The following THSD7B variants were observed in gnomAD, a reference collection of about 807,000 sequenced individuals.
The protein encoded by THSD7B is thrombospondin type 1 domain containing 7B, also known as thrombospondin type-1 domain-containing protein 7B.
THSD7B carries 138 observed loss-of-function variants against 213.6 expected under a neutral mutation model. The observed-to-expected ratio is 0.65, with a 90% confidence interval of 0.56 to 0.74. The LOEUF (loss-of-function observed/expected upper bound fraction) is 0.74, where lower values mean the gene tolerates loss of function less well. THSD7B is among the 30% of genes least tolerant of loss of function. THSD7B has a pLI of 0.00. For missense variants in THSD7B, 1,931 were observed against 1,991.5 expected (o/e 0.97, Z 0.58); for synonymous variants, 742 against 687.0 (o/e 1.08, Z -1.25).
chr2:137,168,558 T>C (rs766201779), intron 6 of THSD7B, among the ~76,000 whole-genome samples: 1 of 152,142 alleles, frequency 6.6e-6, no homozygotes, highest in Admixed American at 6.6e-5. Flanking sequence ...TGAGGAGAGG[T>C]AATCTATAGA....
At chr2:137,290,110 CTT>C (rs1244519702) in intron 12 of THSD7B, among the ~76,000 whole-genome samples, 31 of 130,754 alleles carry the variant, frequency 2.4e-4, no homozygotes, top group Admixed American at 3.1e-4. Context: ...AAAGAGTTTT[CTT>C]TTTTTTTTTT....
At chr2:137,189,159 C>A (rs561971162) in intron 7 of THSD7B, among the ~76,000 whole-genome samples, 1 of 152,178 alleles carries the variant, frequency 6.6e-6, no homozygotes, top group Non-Finnish European at 1.5e-5. Flanking sequence ...TCAGTTCCCA[C>A]TTCCCTGGCT....
At chr2:137,362,152 G>A (rs1402354466) in intron 12 of THSD7B, among the ~76,000 whole-genome samples, 12 of 152,128 alleles carry the variant, frequency 7.9e-5, no homozygotes, top group Admixed American at 7.9e-4. Context: ...AAGTGAAGGA[G>A]AAATAAAATC....
chr2:137,316,694 C>A (rs1056995535), intron 12 of THSD7B, among the ~76,000 whole-genome samples: 11 of 147,942 alleles, frequency 7.4e-5, no homozygotes, highest in Non-Finnish European at 1.3e-4. Context: ...GGAGGCGGAG[C>A]TTGCAGTGAG....
At chr2:137,525,142 G>T (rs1434887639) in intron 15 of THSD7B, among the ~76,000 whole-genome samples, 1 of 152,130 alleles carries the variant, frequency 6.6e-6, no homozygotes, top group East Asian at 1.9e-4. Flanking sequence ...AAGCACCAAG[G>T]GTAGTGGAAC....
At chr2:137,441,377 T>C (rs1318760606) in intron 14 of THSD7B, among the ~76,000 whole-genome samples, 1 of 152,106 alleles carries the variant, frequency 6.6e-6, no homozygotes, top group African/African-American at 2.4e-5. Context: ...CAAACAAAAA[T>C]TATTGTAGAG....
rs2105065885 is a variant in THSD7B, at chr2:137,450,816, C to A, written c.2960-29C>A. 2.0e-6 allele frequency: 3 copies of A among 1,530,676 alleles called. No homozygotes were observed. The East Asian group carries it at 7.0e-5, about 36-fold the overall frequency. The allele number at this position is 1,530,676 out of a possible 1,614,324, so 94.8% of individuals were successfully genotyped here. ...ATTTGATCAGTACATTTTAATCAGA[C>A]TTTCTTCTCTTAAATCTTTTTCTGT... On this transcript the variant is annotated intron_variant, in intron 14 of 27. Transcript: ENST00000409968.
At position 137,617,666 on chromosome 2, in the gene THSD7B, T is replaced by C. The variant is rs1682431964; in HGVS notation, c.3566-726T>C. 2.0e-5 allele frequency among the ~76,000 whole-genome samples: 3 copies of C among 152,324 alleles called. No homozygotes were observed. The South Asian group carries it at 6.2e-4, about 32-fold the overall frequency. On this transcript the variant is annotated intron_variant, in intron 18 of 27. Coordinates refer to ENST00000409968, the MANE Select transcript of THSD7B (RefSeq NM_001316349.2). Reference sequence around the variant, plus strand: ...CATAAAAGATTGGTGTCTTAGTCTGTCCTGGATGCTATAACAAATTGCTAT... The same window carrying C: ...CATAAAAGATTGGTGTCTTAGTCTGCCCTGGATGCTATAACAAATTGCTAT...
At chr2:137,248,203 T>A (rs1429461309) in intron 10 of THSD7B, among the ~76,000 whole-genome samples, 1 of 152,194 alleles carries the variant, frequency 6.6e-6, no homozygotes, top group African/African-American at 2.4e-5. Context: ...ATAATGATGA[T>A]GATAAAAGTT....
At chr2:137,006,620 C>T (rs546356978) in intron 2 of THSD7B, among the ~76,000 whole-genome samples, 1 of 152,178 alleles carries the variant, frequency 6.6e-6, no homozygotes, top group East Asian at 1.9e-4. Context: ...CCACCAACTC[C>T]CCCAAATTCT....
intron 1 of THSD7B, among the ~76,000 whole-genome samples, chr2:136,843,343 C>T (rs955777446): frequency 6.6e-6 from 1 of 152,174 alleles, no homozygotes; most frequent in African/African-American, 2.4e-5. Flanking sequence ...GTAAATTTCT[C>T]TCTGATGATA....
intron 15 of THSD7B, among the ~76,000 whole-genome samples, chr2:137,454,530 A>G (rs1479010993): frequency 1.3e-5 from 2 of 151,940 alleles, no homozygotes; most frequent in Non-Finnish European, 2.9e-5. Context: ...TGACTTCATT[A>G]TACATTTGTT....
intron 6 of THSD7B, among the ~76,000 whole-genome samples, chr2:137,169,514 G>A (rs1270059650): frequency 6.6e-6 from 1 of 151,886 alleles, no homozygotes; most frequent in Non-Finnish European, 1.5e-5. Flanking sequence ...AAGAGTGGTG[G>A]GATATGCAGC....
chr2:137,173,081 T>A (rs1461664032), intron 7 of THSD7B, among the ~76,000 whole-genome samples: 1 of 152,174 alleles, frequency 6.6e-6, no homozygotes, highest in Admixed American at 6.6e-5. Context: ...CCTCTCACTC[T>A]TAAGACTGTG....
intron 3 of THSD7B, among the ~76,000 whole-genome samples, chr2:137,067,007 G>A (rs34554263): frequency 0.094 from 14,262 of 152,026 alleles, 896 homozygotes; most frequent in African/African-American, 0.18. Flanking sequence ...GGTACTTTAC[G>A]ATGTTTTTGA....
chr2:136,860,155 T>G (rs576570882), intron 1 of THSD7B, among the ~76,000 whole-genome samples: 12 of 151,534 alleles, frequency 7.9e-5, no homozygotes, highest in Admixed American at 5.3e-4. Flanking sequence ...GTAGCTGAAT[T>G]CATGATTTTT....
At chr2:137,312,102 T>A (rs1683928391) in intron 12 of THSD7B, among the ~76,000 whole-genome samples, 1 of 151,412 alleles carries the variant, frequency 6.6e-6, no homozygotes, top group South Asian at 2.1e-4. Context: ...TCCTTGTACC[T>A]CTGGTAGAAT....
chr2:137,393,025 C>T (rs1686071705), intron 12 of THSD7B, among the ~76,000 whole-genome samples: 1 of 151,870 alleles, frequency 6.6e-6, no homozygotes. Context: ...TTTTGTAGAA[C>T]CGGTCTGACA....
At chr2:137,324,885 G>C (rs1346179035) in intron 12 of THSD7B, among the ~76,000 whole-genome samples, 1 of 152,190 alleles carries the variant, frequency 6.6e-6, no homozygotes, top group Non-Finnish European at 1.5e-5. Context: ...CCAGGAGGAA[G>C]ACTGCCTCAA....
Sources: allele counts gnomAD v4.1 joint callset (sites outside exome capture counted in the v4.1 genomes callset), GRCh38; gene constraint gnomAD v4.1.1; transcripts MANE v1.5; gene names NCBI Gene and HGNC (gene_info 2026-07-23, HGNC 2026-07-21).